Variants in RBFOX1 observed in about 807,000 individuals in gnomAD.
RBFOX1 encodes RNA binding protein fox-1 homolog 1.
Under a neutral mutation model 57.7 loss-of-function variants are expected in RBFOX1, and 8 were observed. The ratio of observed to expected loss-of-function variants is 0.14; its 90% CI spans 0.08 to 0.25. The LOEUF is 0.25. Among genes scored for constraint, RBFOX1 ranks in the 10% least tolerant of loss-of-function variants. The pLI, the probability that RBFOX1 is intolerant of heterozygous loss-of-function variation, is 1.00. For synonymous variants in RBFOX1, 326 were observed against 222.4 expected, an observed-to-expected ratio of 1.47 and a Z score of -4.15; for missense variants, 611 against 548.5, an observed-to-expected ratio of 1.11 and a Z score of -1.14.
At chr16:6,837,900 T>C (rs1457901758) in intron 3 of RBFOX1, among the ~76,000 whole-genome samples, 24 of 151,938 alleles carry the variant, frequency 1.6e-4, no homozygotes, top group Non-Finnish European at 5.9e-5. Context: ...ACAGCAACAA[T>C]GACAGTTTAC....
intron 2 of RBFOX1, among the ~76,000 whole-genome samples, chr16:5,546,115 C>T (rs1358974525): frequency 1.3e-5 from 2 of 152,050 alleles, no homozygotes; most frequent in African/African-American, 4.8e-5. Flanking sequence ...ATAAGTCTGA[C>T]TAAATTTGTA....
chr16:6,949,159 AC>A (rs1000699968), intron 3 of RBFOX1, among the ~76,000 whole-genome samples: 4 of 151,940 alleles, frequency 2.6e-5, no homozygotes, highest in African/African-American at 9.7e-5. Flanking sequence ...GCCTTCCCCC[AC>A]CCCCCTGAAA....
rs554581364 is a variant in RBFOX1 at position 7,476,367 on chromosome 16, C to G, written c.28-41780C>G. On this transcript the variant is annotated intron_variant, in intron 4 of 15. Transcript: ENST00000550418. ...GCTTTCTTGTCTTCAGATCCTCCATCTGGAATACGTGAAGATTTAATGAGA... is the reference window on the plus strand; with the variant it reads ...GCTTTCTTGTCTTCAGATCCTCCATGTGGAATACGTGAAGATTTAATGAGA... 7.9e-5 allele frequency among the ~76,000 whole-genome samples: 12 copies of G among 152,328 alleles called. No individual in the cohort carries two copies. In the South Asian group the frequency reaches 2.1e-3, roughly 26 times the overall value.
At chr16:7,357,791 C>G (rs1347405827) in intron 4 of RBFOX1, among the ~76,000 whole-genome samples, 1 of 152,192 alleles carries the variant, frequency 6.6e-6, no homozygotes, top group Non-Finnish European at 1.5e-5. Context: ...AATTTTGGAG[C>G]ATTCAGCATT....
At chr16:7,266,097 C>A (rs2095129461) in intron 4 of RBFOX1, among the ~76,000 whole-genome samples, 1 of 151,234 alleles carries the variant, frequency 6.6e-6, no homozygotes, top group African/African-American at 2.4e-5. Flanking sequence ...GCCTCAGCCT[C>A]CCAAGTAGCT....
intron 2 of RBFOX1, among the ~76,000 whole-genome samples, chr16:6,464,149 A>G (rs1317591995): frequency 6.6e-6 from 1 of 152,202 alleles, no homozygotes; most frequent in Non-Finnish European, 1.5e-5. Context: ...AAATGTTGGT[A>G]TCCAGAGAAA....
intron 5 of RBFOX1, among the ~76,000 whole-genome samples, chr16:7,543,856 G>C (rs1263338356): frequency 6.6e-6 from 1 of 151,568 alleles, no homozygotes; most frequent in Non-Finnish European, 1.5e-5. Flanking sequence ...GAGTAGCTGG[G>C]ATTATAGGCA....
chr16:7,584,104 A>G (rs897464948), intron 6 of RBFOX1, among the ~76,000 whole-genome samples: 1 of 152,186 alleles, frequency 6.6e-6, no homozygotes, highest in Non-Finnish European at 1.5e-5. Flanking sequence ...TGACACTAAG[A>G]AAAACTGGGA....
chr16:7,640,882 C>G (rs1417611018), intron 11 of RBFOX1, among the ~76,000 whole-genome samples: 1 of 142,268 alleles, frequency 7.0e-6, no homozygotes, highest in Non-Finnish European at 1.5e-5. Flanking sequence ...ATTTGCTTCC[C>G]CAAACTAATG....
intron 3 of RBFOX1, among the ~76,000 whole-genome samples, chr16:5,647,851 T>A (rs986191936): frequency 6.2e-5 from 9 of 145,878 alleles, no homozygotes; most frequent in African/African-American, 2.5e-4. Context: ...GTAGGCTGTT[T>A]TGTTTTTGTT....
chr16:6,837,905 G>C (rs188961565), intron 3 of RBFOX1, among the ~76,000 whole-genome samples: 1 of 151,982 alleles, frequency 6.6e-6, no homozygotes, highest in African/African-American at 2.4e-5. Context: ...AACAATGACA[G>C]TTTACTGTCA....
chr16:7,110,315 C>T (rs989971864), intron 4 of RBFOX1, among the ~76,000 whole-genome samples: 3 of 151,912 alleles, frequency 2.0e-5, no homozygotes, highest in African/African-American at 7.3e-5. Context: ...GAACTATGAT[C>T]ATGCCACTGC....
At chr16:6,545,748 C>A (rs1455091440) in intron 2 of RBFOX1, among the ~76,000 whole-genome samples, 1 of 152,214 alleles carries the variant, frequency 6.6e-6, no homozygotes, top group Non-Finnish European at 1.5e-5. Flanking sequence ...TGTGCATTTT[C>A]CCACTTGAGG....
chr16:6,081,511 G>T (rs1226104409), intron 1 of RBFOX1, among the ~76,000 whole-genome samples: 1 of 152,138 alleles, frequency 6.6e-6, no homozygotes, highest in Non-Finnish European at 1.5e-5. Context: ...ATATTGTAGG[G>T]ACCAAGTGGT....
chr16:5,655,933 T>C (rs1223249434), intron 3 of RBFOX1, among the ~76,000 whole-genome samples: 3 of 152,174 alleles, frequency 2.0e-5, no homozygotes, highest in Non-Finnish European at 2.9e-5. Flanking sequence ...GTCTCTAGAT[T>C]GTGAGCTCTG....
chr16:7,303,621 A>T (rs1189495662), intron 4 of RBFOX1, among the ~76,000 whole-genome samples: 1 of 152,156 alleles, frequency 6.6e-6, no homozygotes, highest in Admixed American at 6.5e-5. Flanking sequence ...GAAGGAAAAA[A>T]AGGAAAAAAA....
At chr16:7,492,950 C>G (rs761531181) in intron 4 of RBFOX1, among the ~76,000 whole-genome samples, 1 of 152,174 alleles carries the variant, frequency 6.6e-6, no homozygotes, top group African/African-American at 2.4e-5. Context: ...GCGATCTCAG[C>G]TCACTGCAAC....
At chr16:7,371,566 A>G (rs1018089600) in intron 4 of RBFOX1, among the ~76,000 whole-genome samples, 2 of 152,180 alleles carry the variant, frequency 1.3e-5, no homozygotes, top group African/African-American at 4.8e-5. Context: ...CCTGGCCAAC[A>G]TGGTGAAACC....
intron 4 of RBFOX1, among the ~76,000 whole-genome samples, chr16:7,120,883 A>G (rs552066864): frequency 6.7e-6 from 1 of 149,240 alleles, no homozygotes; most frequent in Admixed American, 6.7e-5. Flanking sequence ...ATCATGGAAT[A>G]CATATAATAC....
Sources: allele counts gnomAD v4.1 joint callset (sites outside exome capture counted in the v4.1 genomes callset), GRCh38; gene constraint gnomAD v4.1.1; transcripts MANE v1.5; gene names NCBI Gene and HGNC (gene_info 2026-07-23, HGNC 2026-07-21).